Variants in PTPRA observed in about 807,000 individuals in gnomAD.
PTPRA encodes the protein receptor-type tyrosine-protein phosphatase alpha.
In PTPRA, 25 loss-of-function variants were observed where a neutral mutation model predicts 104.8. That is an observed-to-expected ratio of 0.24 (90% CI 0.17 to 0.33). The LOEUF is 0.33. Ranked by LOEUF, PTPRA falls within the 10% of genes least tolerant of loss-of-function variation. The probability of loss-of-function intolerance (pLI) is 1.00; values close to 1 mark genes in which losing one functional copy is unlikely to be tolerated. For missense variants in PTPRA, 765 were observed against 1,015.3 expected, an observed-to-expected ratio of 0.75 and a Z score of 3.35; for synonymous variants, 323 against 368.9, an observed-to-expected ratio of 0.88 and a Z score of 1.43.
chr20:2,882,151 G>C (rs1403965341), intron 1 of PTPRA, among the ~76,000 whole-genome samples: 1 of 152,168 alleles, frequency 6.6e-6, no homozygotes, highest in African/African-American at 2.4e-5. Context: ...AAGATGTATA[G>C]AAAACATTGC....
chr20:2,939,785 T>C (rs2060837939), intron 2 of PTPRA, among the ~76,000 whole-genome samples: 1 of 152,204 alleles, frequency 6.6e-6, no homozygotes, highest in African/African-American at 2.4e-5. Flanking sequence ...ACTTGTGTCA[T>C]GAATTTCATC....
intron 1 of PTPRA, among the ~76,000 whole-genome samples, chr20:2,892,540 A>C (rs2058840271): frequency 6.6e-6 from 1 of 152,112 alleles, no homozygotes; most frequent in Non-Finnish European, 1.5e-5. Flanking sequence ...GCATTGACCC[A>C]CACCTCCCAG....
At chr20:2,890,810 C>T (rs1297417025) in intron 1 of PTPRA, among the ~76,000 whole-genome samples, 1 of 152,196 alleles carries the variant, frequency 6.6e-6, no homozygotes, top group Non-Finnish European at 1.5e-5. Context: ...TTTGACCACT[C>T]CTTGTTTGAG....
At chr20:3,012,630 T>C (rs180916282) in intron 11 of PTPRA, among the ~76,000 whole-genome samples, 1 of 152,356 alleles carries the variant, frequency 6.6e-6, no homozygotes, top group East Asian at 1.9e-4. Flanking sequence ...AGGAAGTGTT[T>C]GGCAGTGAAG....
intron 1 of PTPRA, among the ~76,000 whole-genome samples, chr20:2,904,075 TTTTA>T (rs1038883458): frequency 1.3e-5 from 2 of 151,934 alleles, no homozygotes; most frequent in African/African-American, 4.8e-5. Context: ...CCCAGCCAAT[TTTTA>T]TTTATTTTTT....
At chr20:2,877,653 A>T (rs541148833) in intron 1 of PTPRA, among the ~76,000 whole-genome samples, 1 of 152,344 alleles carries the variant, frequency 6.6e-6, no homozygotes, top group South Asian at 2.1e-4. Flanking sequence ...AAAATAGCCC[A>T]ACATTAAAAT....
the PTPRA span, among the ~76,000 whole-genome samples, chr20:2,867,446 C>T: frequency 3.9e-5 from 6 of 152,282 alleles, no homozygotes; most frequent in South Asian, 4.1e-4. Context: ...GGAGTACCCG[C>T]GGGGCCCTCT....
chr20:2,864,918 G>T, the PTPRA span: 1 of 1,607,198 alleles, frequency 6.2e-7, no homozygotes, highest in East Asian at 2.2e-5. The surrounding 1 kb of genome is among the most constrained non-coding windows in gnomAD (Gnocchi z 5.2). Flanking sequence ...CTGTAGCCTG[G>T]GTGAGGAGGG....
Position 2,903,956 on chromosome 20 carries a change from G to A in PTPRA, c.-128-19251G>A, listed in dbSNP as rs889846388. Among the ~76,000 whole-genome samples the A allele has an allele frequency of 4.6e-5, 7 of 151,818 alleles. No individual in the cohort carries two copies. The South Asian group carries it at 6.3e-4, about 14-fold the overall frequency. On this transcript the variant is annotated intron_variant, in intron 1 of 23. Transcript: ENST00000399903. ...GGATCTTTTACCCACCCAGGCTGGC[G>A]GGCAGTGGCGCAATCATGGCTCACT...
intron 2 of PTPRA, among the ~76,000 whole-genome samples, chr20:2,925,466 G>A (rs2060259273): frequency 6.6e-6 from 1 of 152,180 alleles, no homozygotes; most frequent in Non-Finnish European, 1.5e-5. Context: ...TTCATTCACT[G>A]ATGGACACTT....
chr20:2,939,882 G>A (rs760334176), intron 2 of PTPRA, among the ~76,000 whole-genome samples: 7 of 152,194 alleles, frequency 4.6e-5, no homozygotes, highest in South Asian at 2.1e-4. Flanking sequence ...CAAGGCGAGC[G>A]GATCACCTGA....
At chr20:2,953,540 A>T (rs575782312) in intron 3 of PTPRA, among the ~76,000 whole-genome samples, 17 of 151,908 alleles carry the variant, frequency 1.1e-4, no homozygotes, top group African/African-American at 4.1e-4. Context: ...GGCGTGAGCC[A>T]CTATGCCTGG....
intron 1 of PTPRA, among the ~76,000 whole-genome samples, chr20:2,905,540 CA>C (rs2059392474): frequency 6.6e-6 from 1 of 151,964 alleles, no homozygotes; most frequent in Non-Finnish European, 1.5e-5. Context: ...AATATGACTG[CA>C]AAAAGTAGTT....
chr20:2,866,676 A>G, the PTPRA span: 1 of 1,526,402 alleles, frequency 6.6e-7, no homozygotes, highest in Non-Finnish European at 8.9e-7. Context: ...AGCAATGCTG[A>G]GGAGCGGGGG....
intron 5 of PTPRA, among the ~76,000 whole-genome samples, chr20:2,973,338 GTTAA>G (rs1363225367): frequency 2.0e-5 from 3 of 151,904 alleles, no homozygotes; most frequent in Admixed American, 2.0e-4. Flanking sequence ...ATTCTTTCCA[GTTAA>G]TTAACATATT....
chr20:2,897,455 T>C (rs1341108131), intron 1 of PTPRA, among the ~76,000 whole-genome samples: 1 of 149,884 alleles, frequency 6.7e-6, no homozygotes, highest in Non-Finnish European at 1.5e-5. Flanking sequence ...TGGCGTGATC[T>C]CGTCTCACTG....
intron 5 of PTPRA, among the ~76,000 whole-genome samples, chr20:2,965,650 T>A (rs2061918419): frequency 6.6e-6 from 1 of 151,580 alleles, no homozygotes; most frequent in Non-Finnish European, 1.5e-5. Context: ...AAGATTAGGT[T>A]TGGAAAGGGA....
intron 3 of PTPRA, among the ~76,000 whole-genome samples, chr20:2,952,259 A>C (rs894759881): frequency 1.3e-5 from 2 of 152,054 alleles, no homozygotes; most frequent in Non-Finnish European, 2.9e-5. Flanking sequence ...AATTTTAGTC[A>C]CTTTAGTGGG....
At chr20:2,876,763 C>T (rs765952829) in intron 1 of PTPRA, among the ~76,000 whole-genome samples, 2 of 152,168 alleles carry the variant, frequency 1.3e-5, no homozygotes, top group Non-Finnish European at 2.9e-5. Flanking sequence ...AACTGCCACC[C>T]GTTTCTGGGG....
Sources: allele counts gnomAD v4.1 joint callset (sites outside exome capture counted in the v4.1 genomes callset), GRCh38; gene constraint gnomAD v4.1.1; non-coding constraint Gnocchi (gnomAD v3.1); transcripts MANE v1.5; gene names NCBI Gene and HGNC (gene_info 2026-07-23, HGNC 2026-07-21).